Variants in PRKN observed in about 807,000 individuals in gnomAD.
The protein encoded by PRKN is parkin RBR E3 ubiquitin protein ligase.
Under a neutral mutation model 59.5 loss-of-function variants are expected in PRKN, and 56 were observed. The observed-to-expected ratio is 0.94, with a 90% CI of 0.76 to 1.18. The LOEUF (loss-of-function observed/expected upper bound fraction) is 1.18. Among genes scored for constraint, PRKN ranks in the 50% most tolerant of loss-of-function variants. The pLI is 0.00. For synonymous variants in PRKN, 250 were observed against 222.1 expected (o/e 1.13, Z -1.12); for missense variants, 657 against 596.4 (o/e 1.10, Z -1.06).
chr6:162,101,457 A>G (rs1166754089), intron 4 of PRKN, among the ~76,000 whole-genome samples: 1 of 151,872 alleles, frequency 6.6e-6, no homozygotes, highest in Non-Finnish European at 1.5e-5. Flanking sequence ...ACACGAGGTC[A>G]GGAGATCGAG....
chr6:162,208,980 A>G (rs987119934), intron 3 of PRKN, among the ~76,000 whole-genome samples: 1 of 152,190 alleles, frequency 6.6e-6, no homozygotes, highest in Non-Finnish European at 1.5e-5. Context: ...TGTCAGACCT[A>G]AAACCATAAA....
intron 7 of PRKN, among the ~76,000 whole-genome samples, chr6:161,746,664 ATGTATAT>A: frequency 6.8e-6 from 1 of 146,520 alleles, no homozygotes; most frequent in African/African-American, 2.5e-5. Context: ...ATAGATATAT[ATGTATAT>A]CTATAGATAT....
At chr6:162,701,948 T>C (rs1355750864) in intron 1 of PRKN, among the ~76,000 whole-genome samples, 1 of 151,980 alleles carries the variant, frequency 6.6e-6, no homozygotes, top group East Asian at 1.9e-4. Flanking sequence ...GTTTCATTTA[T>C]GAATAAAATG....
chr6:161,753,326 T>A (rs578249869), intron 7 of PRKN, among the ~76,000 whole-genome samples: 1 of 152,000 alleles, frequency 6.6e-6, no homozygotes, highest in South Asian at 2.1e-4. Flanking sequence ...TGGAAGCCCA[T>A]AGTAAGCACG....
At chr6:161,449,075 A>G (rs966238659) in intron 9 of PRKN, among the ~76,000 whole-genome samples, 7 of 152,176 alleles carry the variant, frequency 4.6e-5, no homozygotes, top group Middle Eastern at 3.2e-3. Context: ...TCTGGGATAA[A>G]TGGTTTGTGG....
intron 4 of PRKN, among the ~76,000 whole-genome samples, chr6:162,166,223 C>T (rs1009028620): frequency 1.8e-4 from 27 of 152,100 alleles, no homozygotes; most frequent in Non-Finnish European, 3.2e-4. Flanking sequence ...AAGGCATGAA[C>T]GGTTGCTCCA....
At chr6:162,086,981 A>G (rs989981787) in intron 4 of PRKN, among the ~76,000 whole-genome samples, 2 of 152,206 alleles carry the variant, frequency 1.3e-5, no homozygotes, top group African/African-American at 4.8e-5. Flanking sequence ...TGAAAATACA[A>G]GGAAATATGA....
intron 4 of PRKN, among the ~76,000 whole-genome samples, chr6:162,078,662 CA>C (rs1295699871): frequency 6.6e-6 from 1 of 151,966 alleles, no homozygotes; most frequent in East Asian, 1.9e-4. Context: ...CCTGTTACCT[CA>C]AAATGACTAA....
At chr6:161,779,533 C>T (rs535655612) in intron 7 of PRKN, among the ~76,000 whole-genome samples, 1 of 129,022 alleles carries the variant, frequency 7.8e-6, no homozygotes, top group East Asian at 2.8e-4. Context: ...CAACTTCCAT[C>T]ACCTGGGTTC....
chr6:162,707,985 G>A (rs936814783), intron 1 of PRKN, among the ~76,000 whole-genome samples: 1 of 152,158 alleles, frequency 6.6e-6, no homozygotes, highest in African/African-American at 2.4e-5. Flanking sequence ...AAAGTGCTGG[G>A]ATTACAGGCA....
At chr6:162,438,956 G>A (rs1165749058) in intron 2 of PRKN, among the ~76,000 whole-genome samples, 1 of 152,134 alleles carries the variant, frequency 6.6e-6, no homozygotes, top group Non-Finnish European at 1.5e-5. Flanking sequence ...GGTCTCTGAG[G>A]CTCTATTCCT....
intron 6 of PRKN, among the ~76,000 whole-genome samples, chr6:161,815,442 T>A (rs1791735002): frequency 6.6e-6 from 1 of 152,198 alleles, no homozygotes. Flanking sequence ...TTCCTGGTGG[T>A]TAACGCAGAT....
intron 6 of PRKN, among the ~76,000 whole-genome samples, chr6:161,812,033 C>CAA: frequency 6.6e-6 from 1 of 151,366 alleles, no homozygotes; most frequent in Admixed American, 6.6e-5. Flanking sequence ...TAAGATAAAC[C>CAA]AAAAAATGAA....
At chr6:161,490,133 G>T (rs1777493304) in intron 9 of PRKN, among the ~76,000 whole-genome samples, 1 of 152,150 alleles carries the variant, frequency 6.6e-6, no homozygotes, top group African/African-American at 2.4e-5. Flanking sequence ...CTCTAGTCAA[G>T]TTGAAGAAGA....
chr6:161,998,758 G>A (rs188679828), intron 5 of PRKN, among the ~76,000 whole-genome samples: 11 of 152,210 alleles, frequency 7.2e-5, no homozygotes, highest in African/African-American at 9.6e-5. Context: ...ATCCAATCCC[G>A]TTATACATAC....
chr6:162,089,364 A>C (rs1177235815), intron 4 of PRKN, among the ~76,000 whole-genome samples: 2 of 152,024 alleles, frequency 1.3e-5, no homozygotes, highest in Non-Finnish European at 1.5e-5. Flanking sequence ...TCACACCTAC[A>C]AATATTGCTA....
chr6:161,718,661 A>G (rs1472418335), intron 7 of PRKN, among the ~76,000 whole-genome samples: 1 of 152,090 alleles, frequency 6.6e-6, no homozygotes. Context: ...GGCACCTGCC[A>G]GTAAGGCTGC....
chr6:162,722,968 G>A (rs1778991098), intron 1 of PRKN, among the ~76,000 whole-genome samples: 1 of 152,128 alleles, frequency 6.6e-6, no homozygotes, highest in Admixed American at 6.6e-5. Flanking sequence ...ATAAACAGAA[G>A]CTTTGGGGTA....
chr6:162,550,816 G>A (rs1354778124), intron 1 of PRKN, among the ~76,000 whole-genome samples: 1 of 152,166 alleles, frequency 6.6e-6, no homozygotes, highest in Non-Finnish European at 1.5e-5. Flanking sequence ...ACTTCCCTGT[G>A]TGTCATGCTG....
Sources: allele counts gnomAD v4.1 joint callset (sites outside exome capture counted in the v4.1 genomes callset), GRCh38; gene constraint gnomAD v4.1.1; transcripts MANE v1.5; gene names NCBI Gene and HGNC (gene_info 2026-07-23, HGNC 2026-07-21).